RBM47: variants seen among roughly 807,000 people sequenced by gnomAD.
RBM47 encodes the protein RNA-binding protein 47.
RBM47 carries 21 observed loss-of-function variants against 47.1 expected under a neutral mutation model. The ratio of observed to expected loss-of-function variants is 0.45; its 90% CI spans 0.32 to 0.64. The LOEUF (loss-of-function observed/expected upper bound fraction) is 0.64. RBM47 is among the 30% of genes least tolerant of loss of function. The probability of loss-of-function intolerance (pLI) is 0.05; values close to 1 mark genes in which losing one functional copy is unlikely to be tolerated. For missense variants in RBM47, 708 were observed against 870.9 expected (o/e 0.81, Z 2.35); for synonymous variants, 375 against 361.7 (o/e 1.04, Z -0.42).
chr4:40,577,907 G>C (rs1732494699), intron 1 of RBM47, among the ~76,000 whole-genome samples: 1 of 152,222 alleles, frequency 6.6e-6, no homozygotes, highest in Non-Finnish European at 1.5e-5. Context: ...GCTACTCAGG[G>C]GGCTGAGATG....
rs1478948485 is a variant in RBM47 at position 40,436,201 on chromosome 4, A to AC, written c.1330+239_1330+240insG. Among the ~76,000 whole-genome samples, 8 of 63,638 alleles carry AC rather than the reference A, an allele frequency of 1.3e-4. No homozygotes were observed. In the East Asian group the frequency reaches 3.0e-3, roughly 24 times the overall value. 41.7% of individuals were successfully genotyped at this position (63,638 alleles called of 152,430 possible). ...AAAAAAAAAAACAAACAAACAAACA[A>AC]ACAAAAAAAAACCTTACTCAGGCAA... On this transcript the variant is annotated intron_variant, in intron 5 of 6. Transcript: ENST00000295971.
Position 40,426,012 on chromosome 4 carries a change from G to C in RBM47, c.1674C>G (p.Asn558Lys), listed in dbSNP as rs772534722. The change falls in exon 7 of 7, where the codon AAC (asparagine) becomes AAG (lysine). Residue 558 changes from asparagine (N) to lysine (K), a missense_variant. By Grantham distance (94) the Asn-to-Lys change is moderately conservative (BLOSUM62 0). Coordinates refer to ENST00000295971, the MANE Select transcript of RBM47 (RefSeq NM_001098634.2). ...CATACATGGCGGCCGCGGCTGCCGC[G>C]TTCTTCTGTAGTGTGGCGATCGTGG... ...ATATIATLQK[N>K]AAAAAAMYGG... The C allele has an allele frequency of 5.6e-6, 9 of 1,614,080 alleles. No individual in the cohort carries two copies. The highest frequency in any genetic ancestry group is 6.8e-6 in the Non-Finnish European group (8 of 1,180,046).
chr4:40,447,860 A>G (rs1714776002), intron 3 of RBM47, among the ~76,000 whole-genome samples: 1 of 152,150 alleles, frequency 6.6e-6, no homozygotes, highest in African/African-American at 2.4e-5. Flanking sequence ...AATACAAAAA[A>G]ATTAGCCGGG....
chr4:40,624,860 CTTTT>C (rs1172791380), intron 1 of RBM47, among the ~76,000 whole-genome samples: 9,451 of 119,604 alleles, frequency 0.079, 293 homozygotes, highest in Middle Eastern at 0.16. Flanking sequence ...TTTTCTTTTT[CTTTT>C]TTTTTTTTTT....
At chr4:40,488,598 C>T (rs936714286) in intron 2 of RBM47, among the ~76,000 whole-genome samples, 8 of 152,072 alleles carry the variant, frequency 5.3e-5, no homozygotes, top group African/African-American at 9.7e-5. Flanking sequence ...GCTTTGCAAC[C>T]GCAAGTGAGA....
intron 2 of RBM47, among the ~76,000 whole-genome samples, chr4:40,523,029 G>T (rs2154256879): frequency 7.3e-6 from 1 of 137,896 alleles, no homozygotes; most frequent in South Asian, 2.4e-4. Flanking sequence ...GCAGTGGTAT[G>T]ATCTCGGCTC....
chr4:40,537,445 G>A (rs1728095302), intron 2 of RBM47, among the ~76,000 whole-genome samples: 1 of 151,608 alleles, frequency 6.6e-6, no homozygotes, highest in African/African-American at 2.4e-5. Context: ...GTAGAGATAG[G>A]GTTTCACCAT....
At chr4:40,444,057 G>C (rs753211327) in intron 3 of RBM47, among the ~76,000 whole-genome samples, 1 of 151,992 alleles carries the variant, frequency 6.6e-6, no homozygotes, top group East Asian at 1.9e-4. Context: ...AAATTAGCCG[G>C]GCATGGTGGT....
chr4:40,465,172 G>A (rs1276780026), intron 3 of RBM47, among the ~76,000 whole-genome samples: 1 of 151,988 alleles, frequency 6.6e-6, no homozygotes, highest in South Asian at 2.1e-4. Flanking sequence ...ATTTTCTCTC[G>A]CAGGGATTAT....
intron 2 of RBM47, among the ~76,000 whole-genome samples, chr4:40,534,793 G>C (rs544146939): frequency 6.6e-6 from 1 of 152,258 alleles, no homozygotes; most frequent in South Asian, 2.1e-4. Context: ...AAATTAGCCA[G>C]GCATGGTGGC....
chr4:40,426,175 G>T, intron 6 of RBM47, 32 bp from the exon 7 acceptor site: 1 of 1,607,402 alleles, frequency 6.2e-7, no homozygotes, highest in South Asian at 1.1e-5. Context: ...GAGCCTTCCT[G>T]AACACGTGTA....
intron 2 of RBM47, among the ~76,000 whole-genome samples, chr4:40,476,175 C>G (rs758418557): frequency 1.3e-5 from 2 of 152,122 alleles, no homozygotes; most frequent in African/African-American, 2.4e-5. Flanking sequence ...CTTGTCTAGG[C>G]TGTTGGGATT....
At chr4:40,502,833 C>G (rs1032812611) in intron 2 of RBM47, among the ~76,000 whole-genome samples, 1 of 151,682 alleles carries the variant, frequency 6.6e-6, no homozygotes, top group African/African-American at 2.4e-5. Context: ...GTTGAGAGAG[C>G]AAAACCCTGT....
At chr4:40,452,155 G>A (rs62302028) in intron 3 of RBM47, among the ~76,000 whole-genome samples, 12,862 of 150,682 alleles carry the variant, frequency 0.085, 568 homozygotes, top group African/African-American at 0.12. Flanking sequence ...GGGCAACAGA[G>A]CGAGACTCCA....
At chr4:40,509,160 A>AAAATAAATAAATAAAT (rs139292597) in intron 2 of RBM47, among the ~76,000 whole-genome samples, 4,181 of 146,396 alleles carry the variant, frequency 0.029, 77 homozygotes, top group Non-Finnish European at 0.036. Context: ...CCTCCATCTC[A>AAAATAAATAAATAAAT]AAATAAATAA....
At chr4:40,480,672 C>T (rs1218561733) in intron 2 of RBM47, among the ~76,000 whole-genome samples, 3 of 152,132 alleles carry the variant, frequency 2.0e-5, no homozygotes, top group African/African-American at 7.2e-5. Context: ...TCTCTAAGCC[C>T]TTCCTCTACC....
chr4:40,621,508 A>C (rs566580290), intron 1 of RBM47, among the ~76,000 whole-genome samples: 25 of 152,168 alleles, frequency 1.6e-4, no homozygotes, highest in Non-Finnish European at 2.8e-4. Flanking sequence ...AGACAAAAAT[A>C]CCTAATTGAG....
intron 1 of RBM47, among the ~76,000 whole-genome samples, chr4:40,591,217 G>C (rs773608751): frequency 4.6e-5 from 7 of 152,118 alleles, no homozygotes; most frequent in Admixed American, 2.0e-4. Context: ...TTCTTAAATG[G>C]GGACAAGGGT....
intron 2 of RBM47, among the ~76,000 whole-genome samples, chr4:40,525,989 G>C (rs1281414496): frequency 1.3e-5 from 2 of 152,144 alleles, no homozygotes; most frequent in Non-Finnish European, 2.9e-5. Flanking sequence ...TAGATCCCCG[G>C]AGTGCTCAAA....
Sources: gnomAD v4.1 joint callset for allele counts (sites outside exome capture counted in the v4.1 genomes callset) on GRCh38, gnomAD v4.1.1 for gene constraint, MANE v1.5 for transcripts, NCBI Gene and HGNC (gene_info 2026-07-23, HGNC 2026-07-21) for gene names.